Variants in TLN2 observed in about 807,000 individuals in gnomAD.
The protein encoded by TLN2 is talin-2.
TLN2 carries 118 observed loss-of-function variants against 294.7 expected under a neutral mutation model. That is an observed-to-expected ratio of 0.40 (90% CI 0.34 to 0.47). The LOEUF (loss-of-function observed/expected upper bound fraction) is 0.47, where lower values mean the gene tolerates loss of function less well. TLN2 is among the 20% of genes least tolerant of loss of function. TLN2 has a pLI of 0.84. For synonymous variants in TLN2, 1,431 were observed against 1,304.5 expected (o/e 1.10, Z -2.09); for missense variants, 3,083 against 3,282.2 (o/e 0.94, Z 1.48).
At chr15:62,648,329 C>T (rs1466668768) in intron 4 of TLN2, among the ~76,000 whole-genome samples, 1 of 147,268 alleles carries the variant, frequency 6.8e-6, no homozygotes, top group Non-Finnish European at 1.5e-5. Flanking sequence ...AGTTTCAACC[C>T]AGGAGTTTAT....
intron 1 of TLN2, among the ~76,000 whole-genome samples, chr15:62,544,740 T>TC (rs397702978): frequency 6.6e-6 from 1 of 151,650 alleles, no homozygotes; most frequent in Non-Finnish European, 1.5e-5. Context: ...TTTTTTTTTT[T>TC]CTTCCCCCCC....
chr15:62,685,698 A>G (rs2057229526), intron 11 of TLN2, among the ~76,000 whole-genome samples: 1 of 152,180 alleles, frequency 6.6e-6, no homozygotes, highest in Non-Finnish European at 1.5e-5. Context: ...TTTTAAAAAC[A>G]TTTTCTGTTC....
At chr15:62,625,892 C>T (rs2049239741) in intron 3 of TLN2, among the ~76,000 whole-genome samples, 1 of 152,126 alleles carries the variant, frequency 6.6e-6, no homozygotes, top group African/African-American at 2.4e-5. Context: ...GTAGGGCCCA[C>T]TCCTGTGTGA....
chr15:62,789,867 T>C (rs2064954381), intron 45 of TLN2, among the ~76,000 whole-genome samples: 1 of 152,216 alleles, frequency 6.6e-6, no homozygotes, highest in Admixed American at 6.5e-5. Flanking sequence ...TTAACTATTG[T>C]AGAAACTGTT....
intron 34 of TLN2, among the ~76,000 whole-genome samples, chr15:62,752,001 G>C (rs967685107): frequency 1.3e-5 from 2 of 152,144 alleles, no homozygotes; most frequent in African/African-American, 4.8e-5. Context: ...CTGGGAACTA[G>C]TTATCAGTTT....
At chr15:62,640,255 A>G in intron 3 of TLN2, 1 of 456,074 alleles carries the variant, frequency 2.2e-6, no homozygotes. Flanking sequence ...AGAGAGCTGA[A>G]TCATTCCTGG....
intron 1 of TLN2, among the ~76,000 whole-genome samples, chr15:62,458,642 A>G (rs370150886): frequency 1.6e-4 from 23 of 147,906 alleles, no homozygotes; most frequent in African/African-American, 5.7e-4. Flanking sequence ...CATGGTGCGC[A>G]CCTATAGTCC....
chr15:62,487,170 C>G (rs1263143554), intron 1 of TLN2, among the ~76,000 whole-genome samples: 2 of 152,212 alleles, frequency 1.3e-5, no homozygotes. Flanking sequence ...AGGCTGCTGT[C>G]ACTGCATTTT....
In TLN2 at chr15:62,820,529, A is replaced by G; in HGVS notation, c.6921A>G (p.Glu2307=). 1 of 1,613,934 alleles carries G rather than the reference A, an allele frequency of 6.2e-7. No homozygotes were observed. Among genetic ancestry groups the G allele is most frequent in the South Asian group, 1.1e-5 (1 of 91,054 alleles). ...CAGAAGACCCAACTGTCATTGCAGA[A>G]ACAGAGTTACTGGGGGCTGCAGCAT... The part of the protein sequence containing the change: ...VDPEDPTVIA[E]TELLGAAASI... The change falls in exon 54 of 59, where the codon GAA becomes GAG. Residue 2307 remains glutamate (E), a synonymous_variant. Transcript: ENST00000636159.
At position 62,582,853 on chromosome 15, in the gene TLN2, G is replaced by A. The variant is rs138034420; in HGVS notation, c.-237-6834G>A. 5.5e-3 allele frequency among the ~76,000 whole-genome samples: 834 copies of A among 152,256 alleles called. 9 individuals are homozygous for A. The highest frequency in any genetic ancestry group is 0.019 in the African/African-American group (794 of 41,530). ...GGCTGCCACGGTAGATCAGAGTGTA[G>A]CCCAACCAGAAGTTGAGGATTGCCA... is the stretch of plus-strand genomic sequence containing the variant. On this transcript the variant is annotated intron_variant, in intron 1 of 58. Coordinates refer to ENST00000636159, the MANE Select transcript of TLN2 (RefSeq NM_015059.3).
chr15:62,712,090 AT>A lies in TLN2; in HGVS notation c.2634+16del. ...GGAAGCTGCAAAGGTATTCTACTGGATTTGTTTGTATGAAAAGTGAACACTA... is the reference window on the plus strand; with the variant it reads ...GGAAGCTGCAAAGGTATTCTACTGGATTGTTTGTATGAAAAGTGAACACTA... On this transcript the variant is annotated intron_variant, in intron 22 of 58. Coordinates refer to ENST00000636159, the MANE Select transcript of TLN2 (RefSeq NM_015059.3). 6.2e-7 allele frequency: 1 copy of A among 1,611,294 alleles called. No homozygotes were observed. The highest frequency in any genetic ancestry group is 8.5e-7 in the Non-Finnish European group (1 of 1,178,064).
chr15:62,739,246 A>G, intron 30 of TLN2, 102 bp from the exon 31 acceptor site: 2 of 1,320,892 alleles, frequency 1.5e-6, no homozygotes, highest in Non-Finnish European at 1.0e-6. Context: ...TGATGACTCA[A>G]ATGCATCTCT....
At position 62,694,409 on chromosome 15, in the gene TLN2, G is replaced by A. The variant is rs764709099; in HGVS notation, c.1292+17G>A. The A allele has an allele frequency of 7.5e-6, 12 of 1,610,012 alleles. No individual in the cohort carries two copies. In the South Asian group the frequency reaches 9.9e-5, roughly 13 times the overall value. Reference sequence around the variant, plus strand: ...CCCAAAAAAGTAAGTATTATGAAGAGTACTAGAGGACCACCTTCTCCCTAG... The same window carrying A: ...CCCAAAAAAGTAAGTATTATGAAGAATACTAGAGGACCACCTTCTCCCTAG... On this transcript the variant is annotated intron_variant, in intron 14 of 58. Coordinates refer to ENST00000636159, the MANE Select transcript of TLN2 (RefSeq NM_015059.3).
intron 1 of TLN2, among the ~76,000 whole-genome samples, chr15:62,498,392 T>C (rs1661313): frequency 0.62 from 93,982 of 151,952 alleles, 29,622 homozygotes; most frequent in African/African-American, 0.75. Flanking sequence ...CCCCAAGGGT[T>C]GACTTGCCTG....
At chr15:62,510,335 G>A (rs1304183814) in intron 1 of TLN2, among the ~76,000 whole-genome samples, 2 of 152,232 alleles carry the variant, frequency 1.3e-5, no homozygotes, top group African/African-American at 4.8e-5. Context: ...GGATCAGCTA[G>A]GCTTGGGTGT....
chr15:62,392,264 CAT>C (rs1164172949), intron 1 of TLN2, among the ~76,000 whole-genome samples: 3 of 152,180 alleles, frequency 2.0e-5, no homozygotes, highest in African/African-American at 7.2e-5. Flanking sequence ...TCCTGTGTCT[CAT>C]AGTGAAAACT....
chr15:62,639,802 G>A (rs2050805657), intron 3 of TLN2, among the ~76,000 whole-genome samples: 2 of 152,198 alleles, frequency 1.3e-5, no homozygotes, highest in Admixed American at 1.3e-4. Context: ...GGTCCCAGTG[G>A]GTTGACAAAA....
intron 40 of TLN2, among the ~76,000 whole-genome samples, chr15:62,765,953 C>G (rs2062973990): frequency 6.6e-6 from 1 of 152,208 alleles, no homozygotes; most frequent in Non-Finnish European, 1.5e-5. Context: ...TTCCCTCAGA[C>G]CCCTCCATTA....
chr15:62,521,409 G>A (rs1458025598), intron 1 of TLN2, among the ~76,000 whole-genome samples: 1 of 152,126 alleles, frequency 6.6e-6, no homozygotes, highest in African/African-American at 2.4e-5. Context: ...CCATGGCCTG[G>A]GAAACAGTCT....
Sources: allele counts gnomAD v4.1 joint callset (sites outside exome capture counted in the v4.1 genomes callset), GRCh38; gene constraint gnomAD v4.1.1; transcripts MANE v1.5; gene names NCBI Gene and HGNC (gene_info 2026-07-23, HGNC 2026-07-21).